RORA: variants seen among roughly 807,000 people sequenced by gnomAD.
RORA encodes the protein nuclear receptor ROR-alpha.
In RORA, 7 loss-of-function variants were observed where a neutral mutation model predicts 69.5. The ratio of observed to expected loss-of-function variants is 0.10; its 90% CI spans 0.06 to 0.19. The LOEUF (loss-of-function observed/expected upper bound fraction) is 0.19. RORA is among the 10% of genes least tolerant of loss of function. RORA has a pLI of 1.00. For synonymous variants in RORA, 261 were observed against 240.8 expected, an observed-to-expected ratio of 1.08 and a Z score of -0.78; for missense variants, 457 against 663.0, an observed-to-expected ratio of 0.69 and a Z score of 3.41.
At chr15:61,081,576 C>A (rs987697333) in intron 1 of RORA, among the ~76,000 whole-genome samples, 5 of 151,724 alleles carry the variant, frequency 3.3e-5, no homozygotes, top group African/African-American at 1.2e-4. Context: ...GGGAGGCCGA[C>A]GTGGGTGGAT....
intron 1 of RORA, among the ~76,000 whole-genome samples, chr15:61,210,863 C>A (rs969287288): frequency 5.9e-5 from 9 of 152,214 alleles, no homozygotes; most frequent in African/African-American, 2.2e-4. Context: ...TGCAACCTAA[C>A]CTTCACCAAC....
intron 1 of RORA, among the ~76,000 whole-genome samples, chr15:60,944,828 A>C (rs111556506): frequency 0.025 from 3,841 of 152,208 alleles, 147 homozygotes; most frequent in African/African-American, 0.088. Flanking sequence ...CAAGAGTGAC[A>C]CTTAAAACTG....
At position 61,003,528 on chromosome 15, in the gene RORA, C is replaced by A. The variant is rs1223358297; in HGVS notation, c.166+225525G>T. 2.6e-5 allele frequency among the ~76,000 whole-genome samples: 4 copies of A among 152,292 alleles called. No homozygotes were observed. The East Asian group carries it at 7.7e-4, about 29-fold the overall frequency. On this transcript the variant is annotated intron_variant, in intron 1 of 10. Coordinates refer to ENST00000335670, the MANE Select transcript of RORA (RefSeq NM_134261.3). ...ACTCAAGGATTCCAGCTGGGAGATG[C>A]CAACTTTTGAAATTCAAAGACAAAC...
chr15:61,049,264 T>C (rs984818986), intron 1 of RORA, among the ~76,000 whole-genome samples: 7 of 152,292 alleles, frequency 4.6e-5, no homozygotes, highest in Middle Eastern at 3.4e-3. Context: ...TTCTCAGAAC[T>C]CCCACTTACG....
Position 61,190,581 on chromosome 15 carries a change from C to G in RORA, c.166+38472G>C, listed in dbSNP as rs375335421. 9.9e-5 allele frequency among the ~76,000 whole-genome samples: 15 copies of G among 152,098 alleles called. No homozygotes were observed. The East Asian group carries it at 1.9e-3, about 20-fold the overall frequency. ...TTTGAGACCAGCCTGGGCAACATTG[C>G]GAAACCCCATCTCTACAAAAAATAC... On this transcript the variant is annotated intron_variant, in intron 1 of 10. Coordinates refer to ENST00000335670, the MANE Select transcript of RORA (RefSeq NM_134261.3).
At chr15:61,162,528 A>G (rs1285213698) in intron 1 of RORA, among the ~76,000 whole-genome samples, 1 of 152,172 alleles carries the variant, frequency 6.6e-6, no homozygotes, top group East Asian at 1.9e-4. Flanking sequence ...TGTGAGTAAC[A>G]TAAGGGGGAA....
rs1283824237 is a variant in RORA, at chr15:60,954,187, C to T, written c.166+274866G>A. Among the ~76,000 whole-genome samples the T allele has an allele frequency of 5.7e-5, 8 of 139,186 alleles. No individual in the cohort carries two copies. In the South Asian group the frequency reaches 1.7e-3, roughly 30 times the overall value. The allele number at this position is 139,186 out of a possible 152,430, so 91.3% of individuals were successfully genotyped here. ...AATCATCATTCTCAGTAAACTATCG[C>T]AAGAACAAAAAACCAAACACCGCAT... On this transcript the variant is annotated intron_variant, in intron 1 of 10. Transcript: ENST00000335670.
At chr15:61,137,066 A>AGAAAGAAAGAAAGAAAGAAG (rs1567006632) in intron 1 of RORA, among the ~76,000 whole-genome samples, 2 of 149,338 alleles carry the variant, frequency 1.3e-5, no homozygotes, top group African/African-American at 5.1e-5. Flanking sequence ...AAAGAAAGAA[A>AGAAAGAAAGAAAGAAAGAAG]GAAAGAAAGA....
intron 1 of RORA, among the ~76,000 whole-genome samples, chr15:60,883,112 C>CAG (rs1277669064): frequency 9.9e-6 from 1 of 101,238 alleles, no homozygotes; most frequent in African/African-American, 4.0e-5. Context: ...GCCTGGGCGA[C>CAG]AGAGAGAGAC....
chr15:60,635,961 C>G (rs953795050), intron 2 of RORA, among the ~76,000 whole-genome samples: 3 of 152,120 alleles, frequency 2.0e-5, no homozygotes, highest in African/African-American at 7.2e-5. Context: ...TCAGATCTGG[C>G]TCTCTCTGTG....
At chr15:60,683,647 T>TGCACACAC (rs2070689225) in intron 1 of RORA, among the ~76,000 whole-genome samples, 1 of 148,624 alleles carries the variant, frequency 6.7e-6, no homozygotes, top group Admixed American at 6.7e-5. Flanking sequence ...CAGATACACA[T>TGCACACAC]ACACACACAC....
At chr15:60,944,568 A>C (rs879363574) in intron 1 of RORA, among the ~76,000 whole-genome samples, 3 of 151,984 alleles carry the variant, frequency 2.0e-5, no homozygotes, top group Admixed American at 1.3e-4. Flanking sequence ...AATACAAAAA[A>C]GAAAAAAATG....
intron 1 of RORA, among the ~76,000 whole-genome samples, chr15:60,681,067 G>GA (rs2070635469): frequency 6.6e-6 from 1 of 151,976 alleles, no homozygotes; most frequent in Non-Finnish European, 1.5e-5. Context: ...CAAATTTAAT[G>GA]AAAAAAATCA....
At chr15:60,564,906 T>C (rs1468732574) in intron 2 of RORA, among the ~76,000 whole-genome samples, 1 of 152,220 alleles carries the variant, frequency 6.6e-6, no homozygotes, top group Non-Finnish European at 1.5e-5. Flanking sequence ...ACATTTTTGC[T>C]TCACTTTGTG....
At chr15:60,949,160 T>C (rs1352651252) in intron 1 of RORA, among the ~76,000 whole-genome samples, 1 of 152,130 alleles carries the variant, frequency 6.6e-6, no homozygotes. Flanking sequence ...TTACACCCAG[T>C]AGCACACACC....
intron 2 of RORA, among the ~76,000 whole-genome samples, chr15:60,661,749 C>T (rs1347258200): frequency 1.3e-5 from 2 of 152,124 alleles, no homozygotes; most frequent in Non-Finnish European, 2.9e-5. Context: ...CATCAGAACC[C>T]GAGAGGTTCA....
intron 1 of RORA, among the ~76,000 whole-genome samples, chr15:60,920,103 A>G (rs922482288): frequency 5.3e-5 from 8 of 152,218 alleles, no homozygotes; most frequent in Admixed American, 1.3e-4. Context: ...TCACAGCTTC[A>G]GCAGCACTAT....
intron 2 of RORA, among the ~76,000 whole-genome samples, chr15:60,645,999 G>T (rs966584078): frequency 6.6e-6 from 1 of 152,140 alleles, no homozygotes; most frequent in East Asian, 1.9e-4. Flanking sequence ...CAACTTCGGG[G>T]CCTCGCCCGT....
chr15:61,020,976 C>T (rs1442894397), intron 1 of RORA, among the ~76,000 whole-genome samples: 1 of 152,174 alleles, frequency 6.6e-6, no homozygotes, highest in Non-Finnish European at 1.5e-5. Flanking sequence ...CTTTTTTCCA[C>T]ATAACGTGAA....
Sources: allele counts gnomAD v4.1 joint callset (sites outside exome capture counted in the v4.1 genomes callset), GRCh38; gene constraint gnomAD v4.1.1; transcripts MANE v1.5; gene names NCBI Gene and HGNC (gene_info 2026-07-23, HGNC 2026-07-21).